The following ZBTB8A variants were observed in gnomAD, a reference collection of about 807,000 sequenced individuals.
ZBTB8A encodes the protein zinc finger and BTB domain-containing protein 8A.
Under a neutral mutation model 37.8 loss-of-function variants are expected in ZBTB8A, and 19 were observed. The observed-to-expected ratio is 0.50, with a 90% CI of 0.35 to 0.74. The LOEUF is 0.74. Among genes scored for constraint, ZBTB8A ranks in the 30% least tolerant of loss-of-function variants. The probability of loss-of-function intolerance (pLI) is 0.01; values close to 1 mark genes in which losing one functional copy is unlikely to be tolerated. For synonymous variants in ZBTB8A, 181 were observed against 185.2 expected (o/e 0.98, Z 0.19); for missense variants, 394 against 537.8 (o/e 0.73, Z 2.65).
intron 2 of ZBTB8A, among the ~76,000 whole-genome samples, chr1:32,554,536 G>T (rs1350733920): frequency 6.6e-6 from 1 of 151,110 alleles, no homozygotes; most frequent in East Asian, 1.9e-4. Flanking sequence ...GTCTGGCTCT[G>T]TCGGCCAGAC....
chr1:32,553,444 T>G lies in ZBTB8A; in HGVS notation c.-83-15T>G, dbSNP rs1644173242. ...ACAAAAGTACATTATAAATATCTGT[T>G]TTCTCTCTCTACAGGACAATCCTCC... is the stretch of plus-strand genomic sequence containing the variant. On this transcript the variant is annotated splice_polypyrimidine_tract_variant and intron_variant, in intron 1 of 4. Coordinates refer to ENST00000373510, the MANE Select transcript of ZBTB8A (RefSeq NM_001040441.3). 1 of 152,188 alleles carries G rather than the reference T, an allele frequency of 6.6e-6. No individual in the cohort carries two copies. Among genetic ancestry groups the G allele is most frequent in the African/African-American group, 2.4e-5 (1 of 41,444 alleles). 9.4% of individuals were successfully genotyped at this position (152,188 alleles called of 1,614,324 possible). A position where few individuals can be genotyped will look rare whatever the true frequency, so the allele number is the denominator to read the frequency against.
At chr1:32,573,970 G>GGA (rs955633765) in intron 2 of ZBTB8A, among the ~76,000 whole-genome samples, 29 of 151,730 alleles carry the variant, frequency 1.9e-4, no homozygotes, top group African/African-American at 6.5e-4. Context: ...CAGCTATTCG[G>GGA]GAGGCTGAGG....
intron 2 of ZBTB8A, among the ~76,000 whole-genome samples, chr1:32,558,989 G>A (rs1223653415): frequency 2.6e-5 from 4 of 152,180 alleles, no homozygotes; most frequent in Admixed American, 2.6e-4. Context: ...GTTAGGAAAT[G>A]GATGTGTAAA....
At chr1:32,579,089 C>A (rs1036578977) in intron 2 of ZBTB8A, among the ~76,000 whole-genome samples, 1 of 152,054 alleles carries the variant, frequency 6.6e-6, no homozygotes, top group African/African-American at 2.4e-5. Flanking sequence ...TATTACTCTT[C>A]CAGGGTCTCT....
At chr1:32,579,067 G>A (rs141542203) in intron 2 of ZBTB8A, among the ~76,000 whole-genome samples, 6 of 152,042 alleles carry the variant, frequency 3.9e-5, no homozygotes, top group African/African-American at 1.2e-4. Context: ...TAGGTTAGTC[G>A]TACTACTAAG....
At chr1:32,546,821 C>T (rs959705225) in intron 1 of ZBTB8A, among the ~76,000 whole-genome samples, 1 of 152,178 alleles carries the variant, frequency 6.6e-6, no homozygotes, top group African/African-American at 2.4e-5. Flanking sequence ...CTTATATCAC[C>T]TTCAGTTCCC....
At chr1:32,540,846 A>G (rs899897757) in intron 1 of ZBTB8A, among the ~76,000 whole-genome samples, 6 of 152,162 alleles carry the variant, frequency 3.9e-5, no homozygotes, top group African/African-American at 1.4e-4. Context: ...GCAACTGGGA[A>G]GTGAGAATCT....
At chr1:32,544,915 G>A (rs1316553210) in intron 1 of ZBTB8A, among the ~76,000 whole-genome samples, 1 of 152,062 alleles carries the variant, frequency 6.6e-6, no homozygotes, top group Admixed American at 6.6e-5. Context: ...GTGGACATTT[G>A]GATTGTTTCC....
In ZBTB8A at chr1:32,602,896, C is replaced by G. The variant is rs771112123; in HGVS notation, c.*2477C>G. On this transcript the variant is annotated 3_prime_UTR_variant, in exon 5 of 5. Transcript: ENST00000373510. ...TGCCATGACATACCTCAAAATTATC[C>G]TTTTTATGTTACTATTTTCTCTTGT... 2.0e-5 allele frequency: 3 copies of G among 152,044 alleles called. No individual in the cohort carries two copies. Among genetic ancestry groups the G allele is most frequent in the Non-Finnish European group, 4.4e-5 (3 of 68,008 alleles). 9.4% of individuals were successfully genotyped at this position (152,044 alleles called of 1,614,324 possible).
chr1:32,591,870 G>A (rs1029316627), intron 2 of ZBTB8A, among the ~76,000 whole-genome samples: 1 of 152,048 alleles, frequency 6.6e-6, no homozygotes, highest in Non-Finnish European at 1.5e-5. Context: ...TTTTCAGACA[G>A]GGTCTCACTC....
At chr1:32,553,091 G>T (rs1446632854) in intron 1 of ZBTB8A, among the ~76,000 whole-genome samples, 1 of 148,536 alleles carries the variant, frequency 6.7e-6, no homozygotes, top group African/African-American at 2.5e-5. Flanking sequence ...ACGAAGTCTT[G>T]CTCTGTCACC....
chr1:32,575,252 A>T (rs1644351151), intron 2 of ZBTB8A, among the ~76,000 whole-genome samples: 2 of 103,214 alleles, frequency 1.9e-5, no homozygotes, highest in Middle Eastern at 7.6e-3. Flanking sequence ...TTTTTGAGAC[A>T]GTTTCGCTCT....
At chr1:32,555,258 A>G (rs1435287179) in intron 2 of ZBTB8A, among the ~76,000 whole-genome samples, 1 of 152,056 alleles carries the variant, frequency 6.6e-6, no homozygotes, top group South Asian at 2.1e-4. Context: ...GCGTGGTGGC[A>G]GGCGCCTGTA....
chr1:32,562,122 T>G (rs1243799557), intron 2 of ZBTB8A, among the ~76,000 whole-genome samples: 4 of 105,642 alleles, frequency 3.8e-5, no homozygotes, highest in South Asian at 2.7e-4. Flanking sequence ...TTTTTGTTTG[T>G]TTTTTTTTTT....
intron 2 of ZBTB8A, among the ~76,000 whole-genome samples, chr1:32,573,738 CTTT>C (rs753573244): frequency 8.4e-5 from 8 of 95,014 alleles, no homozygotes; most frequent in African/African-American, 2.1e-4. Flanking sequence ...CCAGCTAAAA[CTTT>C]TTTTTTTTTT....
intron 4 of ZBTB8A, among the ~76,000 whole-genome samples, chr1:32,599,484 C>A (rs544100944): frequency 2.6e-5 from 4 of 151,862 alleles, no homozygotes; most frequent in Admixed American, 2.6e-4. Context: ...TTTGGGCGGC[C>A]GAGGCAGACA....
Position 32,591,064 on chromosome 1 carries a change from T to C in ZBTB8A, c.-1-1867T>C, listed in dbSNP as rs1303582365. 1.0e-4 allele frequency among the ~76,000 whole-genome samples: 11 copies of C among 107,524 alleles called. No homozygotes were observed. The East Asian group carries it at 2.3e-3, about 22-fold the overall frequency. 70.5% of individuals were successfully genotyped at this position (107,524 alleles called of 152,430 possible). On this transcript the variant is annotated intron_variant, in intron 2 of 4. Transcript: ENST00000373510. ...GTGTGCCATGATGCCCAGCTAAACTTTTTTTTTTTTTTTTTTGTATTTTTA... is the reference window on the plus strand; with the variant it reads ...GTGTGCCATGATGCCCAGCTAAACTCTTTTTTTTTTTTTTTTGTATTTTTA...
At chr1:32,539,711 G>GCCCGGGGCGC (rs1644033039) in intron 1 of ZBTB8A, 139 bp downstream of exon 1, 1 of 1,206 alleles carries the variant, frequency 8.3e-4, no homozygotes, top group Non-Finnish European at 1.9e-3. Context: ...GCCTCCCCCA[G>GCCCGGGGCGC]ACGTCCCCGG....
At chr1:32,550,509 C>G (rs1464505843) in intron 1 of ZBTB8A, among the ~76,000 whole-genome samples, 1 of 152,106 alleles carries the variant, frequency 6.6e-6, no homozygotes, top group Non-Finnish European at 1.5e-5. Flanking sequence ...GTCCCAGCTC[C>G]TCGGAAGGCT....
Sources: allele counts gnomAD v4.1 joint callset (sites outside exome capture counted in the v4.1 genomes callset), GRCh38; gene constraint gnomAD v4.1.1; transcripts MANE v1.5; gene names NCBI Gene and HGNC (gene_info 2026-07-23, HGNC 2026-07-21).